Variants in CACNA1B observed in about 807,000 individuals in gnomAD.
The protein encoded by CACNA1B is calcium voltage-gated channel subunit alpha1 B, also known as voltage-dependent N-type calcium channel subunit alpha-1B.
A neutral mutation model predicts 247.2 loss-of-function variants in CACNA1B; 70 were observed. That is an observed-to-expected ratio of 0.28 (90% CI 0.23 to 0.35). The LOEUF (loss-of-function observed/expected upper bound fraction) is 0.35, where lower values mean the gene tolerates loss of function less well. CACNA1B is among the 10% of genes least tolerant of loss of function. The pLI, the probability that CACNA1B is intolerant of heterozygous loss-of-function variation, is 1.00. For missense variants in CACNA1B, 2,367 were observed against 3,197.4 expected, an observed-to-expected ratio of 0.74 and a Z score of 6.26; for synonymous variants, 1,231 against 1,294.4, an observed-to-expected ratio of 0.95 and a Z score of 1.05.
chr9:138,001,331 T>G lies in CACNA1B; in HGVS notation c.1975-5436T>G, dbSNP rs533456377. On this transcript the variant is annotated intron_variant, in intron 15 of 46. Transcript: ENST00000371372. Reference sequence around the variant, plus strand: ...AAAACCCTACAACCAGGATGGGTGATAGCTAATGGGTATGAGTTTCTTTTT... The same window carrying G: ...AAAACCCTACAACCAGGATGGGTGAGAGCTAATGGGTATGAGTTTCTTTTT... Among the ~76,000 whole-genome samples the G allele has an allele frequency of 2.4e-4, 36 of 152,268 alleles. No individual in the cohort carries two copies. In the East Asian group the frequency reaches 5.4e-3, roughly 23 times the overall value.
At chr9:137,910,369 G>A (rs2133273064) in intron 3 of CACNA1B, among the ~76,000 whole-genome samples, 1 of 152,280 alleles carries the variant, frequency 6.6e-6, no homozygotes, top group East Asian at 1.9e-4. Context: ...GCCCTCTGGT[G>A]CAGCAGCCCC....
intron 3 of CACNA1B, among the ~76,000 whole-genome samples, chr9:137,889,311 C>T (rs1295975788): frequency 5.3e-5 from 8 of 150,160 alleles, no homozygotes; most frequent in South Asian, 2.1e-4. Flanking sequence ...AGTGCCGGGT[C>T]GGGCTGGGGT....
intron 12 of CACNA1B, among the ~76,000 whole-genome samples, chr9:137,977,911 C>G (rs915318865): frequency 6.6e-6 from 1 of 151,256 alleles, no homozygotes; most frequent in East Asian, 2.0e-4. Flanking sequence ...GCACTACCCC[C>G]GCAGGAAGGA....
chr9:138,044,677 G>A (rs1379478706), intron 21 of CACNA1B, among the ~76,000 whole-genome samples: 3 of 152,330 alleles, frequency 2.0e-5, no homozygotes, highest in Admixed American at 1.3e-4. Context: ...GAGCTTGCCC[G>A]GCCAGAGCAG....
At chr9:138,028,416 G>A (rs1004419315) in intron 20 of CACNA1B, among the ~76,000 whole-genome samples, 1 of 152,136 alleles carries the variant, frequency 6.6e-6, no homozygotes, top group African/African-American at 2.4e-5. Flanking sequence ...GATAAACAAT[G>A]AAAACTAATA....
intron 20 of CACNA1B, among the ~76,000 whole-genome samples, chr9:138,039,346 T>G (rs1440292548): frequency 6.6e-6 from 1 of 152,250 alleles, no homozygotes; most frequent in East Asian, 1.9e-4. Context: ...TCTTTTTACC[T>G]TGCTTATTCT....
chr9:138,110,601 G>A (rs932519668), intron 39 of CACNA1B, among the ~76,000 whole-genome samples: 6 of 151,860 alleles, frequency 4.0e-5, no homozygotes, highest in South Asian at 2.1e-4. Context: ...GCATGGTGGC[G>A]CATGCCTGTG....
chr9:138,017,399 C>G (rs908587500), intron 18 of CACNA1B, among the ~76,000 whole-genome samples: 7 of 152,252 alleles, frequency 4.6e-5, no homozygotes, highest in Admixed American at 4.6e-4. Flanking sequence ...GGGGTCAGAC[C>G]CTCTGCGCTC....
In CACNA1B at chr9:138,023,432, G is replaced by A; in HGVS notation, c.2689G>A (p.Ala897Thr). Residue 897 changes from alanine (A) to threonine (T), a missense_variant, in exon 19 of 47, where the codon GCG (alanine) becomes ACG (threonine). Physicochemically the swap from Ala to Thr is moderately conservative, Grantham distance 58 (BLOSUM62 0). This residue lies in a region of CACNA1B where 631 missense variants were observed against 631.1 expected (regional missense o/e 1.00). Transcript: ENST00000371372. ...GCACCGCAGCCACAGCAAGGAGGCCGCGGGGCCCCCGGAGGCGCGGAGCGA... is the reference window on the plus strand; with the variant it reads ...GCACCGCAGCCACAGCAAGGAGGCCACGGGGCCCCCGGAGGCGCGGAGCGA... ...RPHRSHSKEA[A>T]GPPEARSERG... 1.6e-6 allele frequency: 2 copies of A among 1,271,358 alleles called. No homozygotes were observed. The highest frequency in any genetic ancestry group is 2.0e-6 in the Non-Finnish European group (2 of 1,013,194). 78.8% of individuals were successfully genotyped at this position (1,271,358 alleles called of 1,614,324 possible).
intron 12 of CACNA1B, among the ~76,000 whole-genome samples, chr9:137,980,090 C>T (rs910123903): frequency 6.6e-6 from 1 of 152,188 alleles, no homozygotes; most frequent in Non-Finnish European, 1.5e-5. Context: ...GTTTTCTCAG[C>T]CTACTTCCCA....
At chr9:138,110,847 C>T (rs1281795000) in intron 39 of CACNA1B, among the ~76,000 whole-genome samples, 1 of 152,108 alleles carries the variant, frequency 6.6e-6, no homozygotes, top group Non-Finnish European at 1.5e-5. Context: ...TGTCACAACT[C>T]CCTAAGAAAA....
intron 46 of CACNA1B, 101 bp downstream of exon 46, chr9:138,120,982 C>A: frequency 1.5e-6 from 2 of 1,365,594 alleles, no homozygotes; most frequent in Non-Finnish European, 2.0e-6. Context: ...TCGCTGCTGC[C>A]CTTTGTCATT....
rs910978830 is a variant in CACNA1B, at chr9:137,882,486, G to A, written c.391-258G>A. ...GATGCCAGGGTGGGAGGCACGAGGG[G>A]CCTGCAGGCATGACTGGGATGTTGC... is the stretch of plus-strand genomic sequence containing the variant. On this transcript the variant is annotated intron_variant, in intron 2 of 46. Coordinates refer to ENST00000371372, the MANE Select transcript of CACNA1B (RefSeq NM_000718.4). This position sits in a 1 kb window ranked among gnomAD's most constrained non-coding sequence, Gnocchi z 4.0. 6.6e-6 allele frequency among the ~76,000 whole-genome samples: 1 copy of A among 152,210 alleles called. No homozygotes were observed. Among genetic ancestry groups the A allele is most frequent in the African/African-American group, 2.4e-5 (1 of 41,452 alleles).
chr9:137,916,528 G>A lies in CACNA1B; in HGVS notation c.776-713G>A, dbSNP rs1163990445. 3.9e-5 allele frequency among the ~76,000 whole-genome samples: 6 copies of A among 152,316 alleles called. No individual in the cohort carries two copies. The South Asian group carries it at 1.0e-3, about 26-fold the overall frequency. ...AGGATGTCCGCCCTGTAGGGTCAGT[G>A]CAGCGAGACCTGGGCCAGGAGGTCT... On this transcript the variant is annotated intron_variant, in intron 5 of 46. Coordinates refer to ENST00000371372, the MANE Select transcript of CACNA1B (RefSeq NM_000718.4).
chr9:137,933,674 A>C lies in CACNA1B; in HGVS notation c.966+16243A>C, dbSNP rs73669803. 4.9e-3 allele frequency among the ~76,000 whole-genome samples: 741 copies of C among 152,346 alleles called. 9 individuals are homozygous for C. Among genetic ancestry groups the C allele is most frequent in the African/African-American group, 0.016 (685 of 41,580 alleles). ...AAGATTGGGCTGGGATCAGGATGGC[A>C]GTATATTTAGATGATGATGGAGATA... On this transcript the variant is annotated intron_variant, in intron 6 of 46. Coordinates refer to ENST00000371372, the MANE Select transcript of CACNA1B (RefSeq NM_000718.4).
Position 138,059,648 on chromosome 9 carries a change from C to T in CACNA1B, c.4585-6C>T. ...GCTGGCACTAACTGCTCTTCTTTTT[C>T]TCTAGAACTATTTCAGAGATGCCTG... On this transcript the variant is annotated splice_region_variant and splice_polypyrimidine_tract_variant and intron_variant, in intron 30 of 46. Coordinates refer to ENST00000371372, the MANE Select transcript of CACNA1B (RefSeq NM_000718.4). This position sits in a 1 kb window ranked among gnomAD's most constrained non-coding sequence, Gnocchi z 4.2. 6.3e-6 allele frequency: 10 copies of T among 1,580,804 alleles called. No individual in the cohort carries two copies. The highest frequency in any genetic ancestry group is 8.7e-6 in the Non-Finnish European group (10 of 1,149,692).
At chr9:138,017,797 G>A (rs572887967) in intron 18 of CACNA1B, among the ~76,000 whole-genome samples, 4 of 152,312 alleles carry the variant, frequency 2.6e-5, no homozygotes, top group South Asian at 2.1e-4. Flanking sequence ...GCATCCCCTC[G>A]GGCAGCTTCT....
intron 31 of CACNA1B, among the ~76,000 whole-genome samples, chr9:138,065,369 G>A (rs1959880111): frequency 6.6e-6 from 1 of 152,106 alleles, no homozygotes; most frequent in African/African-American, 2.4e-5. Flanking sequence ...AAGTGAGGTG[G>A]AACTTGGGGA....
intron 39 of CACNA1B, among the ~76,000 whole-genome samples, chr9:138,109,913 A>T (rs531286677): frequency 2.6e-5 from 4 of 151,946 alleles, no homozygotes; most frequent in Non-Finnish European, 5.9e-5. Flanking sequence ...CTACTAAAAA[A>T]AGCTGGGCCT....
Sources: allele counts gnomAD v4.1 joint callset (sites outside exome capture counted in the v4.1 genomes callset), GRCh38; gene constraint gnomAD v4.1.1; regional missense constraint gnomAD v4.1.1; non-coding constraint Gnocchi (gnomAD v3.1); transcripts MANE v1.5; gene names NCBI Gene and HGNC (gene_info 2026-07-23, HGNC 2026-07-21).